The following ZFYVE9 variants were observed in gnomAD, a reference collection of about 807,000 sequenced individuals.
ZFYVE9 encodes zinc finger FYVE-type containing 9.
In ZFYVE9, 43 loss-of-function variants were observed where a neutral mutation model predicts 126.7. That is an observed-to-expected ratio of 0.34 (90% CI 0.27 to 0.44). The LOEUF is 0.44. Among genes scored for constraint, ZFYVE9 ranks in the 20% least tolerant of loss-of-function variants. ZFYVE9 has a pLI of 1.00. For missense variants in ZFYVE9, 1,476 were observed against 1,697.0 expected (o/e 0.87, Z 2.29); for synonymous variants, 521 against 597.4 (o/e 0.87, Z 1.87).
chr1:52,291,471 G>T (rs1645919852), intron 10 of ZFYVE9, among the ~76,000 whole-genome samples: 1 of 152,202 alleles, frequency 6.6e-6, no homozygotes, highest in Non-Finnish European at 1.5e-5. Context: ...AGCAGCTCTT[G>T]TCAGAAAGTC....
intron 4 of ZFYVE9, among the ~76,000 whole-genome samples, chr1:52,258,731 C>T (rs547750097): frequency 1.1e-4 from 17 of 152,132 alleles, no homozygotes; most frequent in Non-Finnish European, 2.2e-4. Flanking sequence ...CATAGTCTGG[C>T]GTTGAAGAGT....
intron 9 of ZFYVE9, among the ~76,000 whole-genome samples, chr1:52,281,321 G>A (rs1456772293): frequency 6.6e-6 from 1 of 151,992 alleles, no homozygotes; most frequent in Admixed American, 6.6e-5. Context: ...TTTTAGTAGA[G>A]ACGGGGTTTC....
chr1:52,286,899 C>G (rs1345371785), intron 10 of ZFYVE9, among the ~76,000 whole-genome samples: 3 of 152,032 alleles, frequency 2.0e-5, no homozygotes, highest in Non-Finnish European at 4.4e-5. Flanking sequence ...TGTGTATATT[C>G]TGATGATTTT....
intron 12 of ZFYVE9, among the ~76,000 whole-genome samples, chr1:52,297,595 T>A (rs193226626): frequency 6.6e-6 from 1 of 152,132 alleles, no homozygotes; most frequent in African/African-American, 2.4e-5. Flanking sequence ...CTGAAATGGT[T>A]CTTTTTAAGC....
At position 52,306,192 on chromosome 1, in the gene ZFYVE9, G is replaced by T. The variant is rs1569721678; in HGVS notation, c.3438+2267G>T. Among the ~76,000 whole-genome samples, 3 of 152,144 alleles carry T rather than the reference G, an allele frequency of 2.0e-5. No individual in the cohort carries two copies. In the East Asian group the frequency reaches 5.8e-4, roughly 29 times the overall value. ...CCCATGGCTGTCCATGCACCAGTCGGTGCATGCTTCCCCTCCTCTGAGGCC... is the reference window on the plus strand; with the variant it reads ...CCCATGGCTGTCCATGCACCAGTCGTTGCATGCTTCCCCTCCTCTGAGGCC... On this transcript the variant is annotated intron_variant, in intron 13 of 18. Coordinates refer to ENST00000287727, the MANE Select transcript of ZFYVE9 (RefSeq NM_004799.4).
chr1:52,228,385 T>A (rs1431461482), intron 2 of ZFYVE9, among the ~76,000 whole-genome samples: 2 of 152,208 alleles, frequency 1.3e-5, no homozygotes, highest in Admixed American at 6.5e-5. Context: ...AGAATTTTTT[T>A]ATTTAGAGTA....
intron 1 of ZFYVE9, among the ~76,000 whole-genome samples, chr1:52,174,982 T>C (rs1644610657): frequency 6.6e-6 from 1 of 152,222 alleles, no homozygotes; most frequent in South Asian, 2.1e-4. Flanking sequence ...TGTCTTTTAA[T>C]TGGAGCGTTT....
At chr1:52,307,752 C>CTTT (rs1200929559) in intron 13 of ZFYVE9, among the ~76,000 whole-genome samples, 1 of 139,862 alleles carries the variant, frequency 7.1e-6, no homozygotes, top group Non-Finnish European at 1.6e-5. Context: ...CTTTTTTCTT[C>CTTT]TTTTTTTTTT....
chr1:52,320,289 C>T (rs1035658519), intron 13 of ZFYVE9, among the ~76,000 whole-genome samples: 12 of 151,952 alleles, frequency 7.9e-5, no homozygotes, highest in African/African-American at 2.7e-4. Flanking sequence ...AGGCTGGTCT[C>T]GAACTCCTGA....
At chr1:52,191,049 G>C (rs560627446) in intron 1 of ZFYVE9, among the ~76,000 whole-genome samples, 11 of 152,030 alleles carry the variant, frequency 7.2e-5, no homozygotes, top group Non-Finnish European at 1.0e-4. Context: ...TCCTGCCTTA[G>C]CCCCCTAACG....
intron 1 of ZFYVE9, among the ~76,000 whole-genome samples, chr1:52,173,398 G>A (rs576375281): frequency 3.3e-5 from 5 of 152,242 alleles, no homozygotes; most frequent in Non-Finnish European, 5.9e-5. Flanking sequence ...GCTGGATTTG[G>A]TTTGCCAGTA....
chr1:52,250,473 A>AAACT (rs1645433237), intron 4 of ZFYVE9, among the ~76,000 whole-genome samples: 1 of 152,098 alleles, frequency 6.6e-6, no homozygotes, highest in Non-Finnish European at 1.5e-5. Flanking sequence ...TTGTATCCTG[A>AAACT]AACTTTGCCG....
intron 1 of ZFYVE9, among the ~76,000 whole-genome samples, chr1:52,203,312 G>C (rs1018315675): frequency 1.3e-5 from 2 of 151,884 alleles, no homozygotes; most frequent in African/African-American, 2.4e-5. Flanking sequence ...CTCCCAAGTA[G>C]CTGGGATTAC....
chr1:52,290,677 C>T (rs1645910470), intron 10 of ZFYVE9, among the ~76,000 whole-genome samples: 1 of 152,090 alleles, frequency 6.6e-6, no homozygotes, highest in African/African-American at 2.4e-5. Context: ...CACTCTATCC[C>T]TGATCCTGCA....
chr1:52,333,034 A>G, intron 14 of ZFYVE9, 116 bp downstream of exon 14: 4 of 1,334,236 alleles, frequency 3.0e-6, no homozygotes, highest in Non-Finnish European at 3.1e-6. Context: ...AAACAAATTA[A>G]TTAACCTTTC....
At chr1:52,151,554 C>T (rs1386883874) in intron 1 of ZFYVE9, among the ~76,000 whole-genome samples, 1 of 149,802 alleles carries the variant, frequency 6.7e-6, no homozygotes, top group African/African-American at 2.5e-5. Flanking sequence ...CTCGCTCTGT[C>T]ATCCAGGCTG....
At chr1:52,329,804 C>T (rs1646323506) in intron 13 of ZFYVE9, among the ~76,000 whole-genome samples, 1 of 152,126 alleles carries the variant, frequency 6.6e-6, no homozygotes, top group South Asian at 2.1e-4. Flanking sequence ...ACTCGGGAGG[C>T]TGAGGCAGGA....
chr1:52,164,542 A>C (rs922594476), intron 1 of ZFYVE9, among the ~76,000 whole-genome samples: 5 of 151,956 alleles, frequency 3.3e-5, no homozygotes, highest in Non-Finnish European at 7.4e-5. Flanking sequence ...TTATACATCT[A>C]TCTATCTATC....
chr1:52,286,477 AT>A (rs1645860573), intron 10 of ZFYVE9, among the ~76,000 whole-genome samples: 1 of 152,202 alleles, frequency 6.6e-6, no homozygotes, highest in South Asian at 2.1e-4. Flanking sequence ...CAGTTTTTGC[AT>A]TCTGCAGTGG....
Sources: gnomAD v4.1 joint callset for allele counts (sites outside exome capture counted in the v4.1 genomes callset) on GRCh38, gnomAD v4.1.1 for gene constraint, MANE v1.5 for transcripts, NCBI Gene and HGNC (gene_info 2026-07-23, HGNC 2026-07-21) for gene names.